The following GALNT16 variants were observed in gnomAD, a reference collection of about 807,000 sequenced individuals.
GALNT16 encodes the protein polypeptide N-acetylgalactosaminyltransferase 16.
A neutral mutation model predicts 76.1 loss-of-function variants in GALNT16; 40 were observed. That is an observed-to-expected ratio of 0.53 (90% CI 0.41 to 0.68). The LOEUF (loss-of-function observed/expected upper bound fraction) is 0.68, where lower values mean the gene tolerates loss of function less well. Among genes scored for constraint, GALNT16 ranks in the 30% least tolerant of loss-of-function variants. The pLI is 0.00. For synonymous variants in GALNT16, 276 were observed against 285.2 expected, an observed-to-expected ratio of 0.97 and a Z score of 0.32; for missense variants, 621 against 731.9, an observed-to-expected ratio of 0.85 and a Z score of 1.75.
At chr14:69,301,550 C>T (rs1031870870) in intron 1 of GALNT16, among the ~76,000 whole-genome samples, 1 of 152,074 alleles carries the variant, frequency 6.6e-6, no homozygotes, top group Non-Finnish European at 1.5e-5. Context: ...GACAGGCTTT[C>T]ACCATGTTGG....
intron 1 of GALNT16, among the ~76,000 whole-genome samples, chr14:69,273,263 G>A (rs76849947): frequency 0.014 from 2,086 of 152,324 alleles, 51 homozygotes; most frequent in African/African-American, 0.048. Context: ...CAGTGGAGGC[G>A]AGAAGCCTTT....
rs192970687 is a variant in GALNT16 at position 69,302,293 on chromosome 14, T to C, written c.178-18418T>C. On this transcript the variant is annotated intron_variant, in intron 1 of 14. Coordinates refer to ENST00000448469, the MANE Select transcript of GALNT16 (RefSeq NM_001168368.2). ...CTGGAAATCTTCCAAAAATCACCTA[T>C]AATCCCAGCACCCAGAAATAATAAC... 2.6e-4 allele frequency among the ~76,000 whole-genome samples: 40 copies of C among 152,324 alleles called. No homozygotes were observed. In the East Asian group the frequency reaches 7.1e-3, roughly 27 times the overall value.
the GALNT16 span, among the ~76,000 whole-genome samples, chr14:69,362,058 G>C: frequency 6.6e-6 from 1 of 152,172 alleles, no homozygotes; most frequent in Admixed American, 6.5e-5. Context: ...GGGAGCACAG[G>C]ACATGGTAGA....
intron 12 of GALNT16, among the ~76,000 whole-genome samples, chr14:69,344,570 G>A (rs900465991): frequency 6.6e-6 from 1 of 152,176 alleles, no homozygotes; most frequent in South Asian, 2.1e-4. Flanking sequence ...GGATGGTGAC[G>A]ACTGCTATTC....
chr14:69,338,802 G>A lies in GALNT16; in HGVS notation c.1094+25G>A, dbSNP rs777192259. On this transcript the variant is annotated intron_variant, in intron 10 of 14. Coordinates refer to ENST00000448469, the MANE Select transcript of GALNT16 (RefSeq NM_001168368.2). ...GGTAGGTCACCGAGAAAGGAGCACG[G>A]GACTCAGAGGAGGACACCAAGGCCC... 14 of 1,588,708 alleles carry A rather than the reference G, an allele frequency of 8.8e-6. No homozygotes were observed. The African/African-American group carries it at 1.8e-4, about 20-fold the overall frequency.
chr14:69,306,596 T>C (rs1304103619), intron 1 of GALNT16, among the ~76,000 whole-genome samples: 3 of 152,218 alleles, frequency 2.0e-5, no homozygotes, highest in Non-Finnish European at 2.9e-5. Context: ...TTTTCATTCT[T>C]ACAAAACCAT....
chr14:69,338,843 C>A, intron 10 of GALNT16, 66 bp downstream of exon 10: 1 of 1,328,972 alleles, frequency 7.5e-7, no homozygotes, highest in Non-Finnish European at 1.0e-6. Context: ...CCCAGCCTTG[C>A]CAGTTATCAC....
chr14:69,313,729 A>C (rs186019399), intron 1 of GALNT16, among the ~76,000 whole-genome samples: 1 of 152,362 alleles, frequency 6.6e-6, no homozygotes, highest in African/African-American at 2.4e-5. Context: ...ATATGTAATT[A>C]AACTAGGGCC....
At chr14:69,383,110 C>T in the GALNT16 span, among the ~76,000 whole-genome samples, 2 of 152,154 alleles carry the variant, frequency 1.3e-5, no homozygotes, top group African/African-American at 4.8e-5. Flanking sequence ...CAAGAAAATA[C>T]TGCATAATCA....
intron 2 of GALNT16, among the ~76,000 whole-genome samples, chr14:69,322,924 GGGTGTGTGTGTGTGTGTGTGT>G (rs1312267954): frequency 5.3e-4 from 55 of 104,706 alleles, no homozygotes; most frequent in African/African-American, 2.0e-3. Context: ...GTGGCTCACG[GGGTGTGTGTGTGTGTGTGTGT>G]GTGTGTGTGT....
rs1182677711 is a variant in GALNT16, at chr14:69,322,924, GGGTGTGTGTGTGT to G, written c.336-1766_336-1754del. ...AAAAAGAAAGCTGAGGTGGCTCACG[GGGTGTGTGTGTGT>G]GTGTGTGTGTGTGTGTGTGTGTGTG... On this transcript the variant is annotated intron_variant, in intron 2 of 14. Transcript: ENST00000448469. 1.5e-3 allele frequency among the ~76,000 whole-genome samples: 162 copies of G among 104,706 alleles called. 1 individual carries two copies. The highest frequency in any genetic ancestry group is 5.8e-3 in the African/African-American group (152 of 26,138). The allele number at this position is 104,706 out of a possible 152,430, so 68.7% of individuals were successfully genotyped here. A position where few individuals can be genotyped will look rare whatever the true frequency, so the allele number is the denominator to read the frequency against.
rs375718624 is a variant in GALNT16 at position 69,325,996 on chromosome 14, G to C, written c.537G>C (p.Lys179Asn). 2 of 1,614,092 alleles carry C rather than the reference G, an allele frequency of 1.2e-6. No homozygotes were observed. The highest frequency in any genetic ancestry group is 3.3e-5 in the Admixed American group (2 of 60,020). ...GTCTACTCCTGACCAGGATCCCCAA[G>C]GTCAAGTGCCTGCGCAATGATCGGC... ...EDCLLLTRIPKVKCLRNDRRE... is the reference protein window; with the variant it reads ...EDCLLLTRIPNVKCLRNDRRE... Residue 179 changes from lysine to asparagine, a missense_variant, in exon 5 of 15, where the codon AAG becomes AAC. By Grantham distance (94) the Lys-to-Asn change is moderately conservative. Coordinates refer to ENST00000448469, the MANE Select transcript of GALNT16 (RefSeq NM_001168368.2).
chr14:69,334,544 C>T (rs977211020), intron 9 of GALNT16, among the ~76,000 whole-genome samples: 4 of 152,096 alleles, frequency 2.6e-5, no homozygotes, highest in African/African-American at 4.8e-5. Context: ...TTACATGGTG[C>T]GGGCAGGATA....
chr14:69,371,206 A>G, the GALNT16 span, among the ~76,000 whole-genome samples: 26 of 152,120 alleles, frequency 1.7e-4, 1 homozygote, highest in Admixed American at 1.7e-3. Context: ...ACTTCACGGT[A>G]ACATGAATGT....
At chr14:69,307,955 A>C (rs1008173430) in intron 1 of GALNT16, among the ~76,000 whole-genome samples, 2 of 152,056 alleles carry the variant, frequency 1.3e-5, no homozygotes, top group Admixed American at 6.5e-5. Flanking sequence ...AGGCAAAGTC[A>C]AGTTGGGTTG....
At chr14:69,273,641 G>T (rs1283589023) in intron 1 of GALNT16, among the ~76,000 whole-genome samples, 27 of 152,222 alleles carry the variant, frequency 1.8e-4, no homozygotes, top group Non-Finnish European at 1.5e-5. Flanking sequence ...CTTACACTGA[G>T]CCAGAACATG....
chr14:69,365,914 T>C, the GALNT16 span, among the ~76,000 whole-genome samples: 1 of 152,158 alleles, frequency 6.6e-6, no homozygotes, highest in African/African-American at 2.4e-5. Flanking sequence ...CCTGACCCCA[T>C]AGCACATATA....
the GALNT16 span, chr14:69,380,440 T>C: frequency 3.0e-6 from 2 of 665,050 alleles, no homozygotes; most frequent in South Asian, 3.9e-5. Flanking sequence ...TATAACAAAG[T>C]GGAAACAGGA....
chr14:69,296,552 G>T (rs576747327), intron 1 of GALNT16, among the ~76,000 whole-genome samples: 1 of 152,144 alleles, frequency 6.6e-6, no homozygotes, highest in East Asian at 1.9e-4. Context: ...AATTAGCCTG[G>T]CATGGTGGCA....
Sources: allele counts gnomAD v4.1 joint callset (sites outside exome capture counted in the v4.1 genomes callset), GRCh38; gene constraint gnomAD v4.1.1; transcripts MANE v1.5; gene names NCBI Gene and HGNC (gene_info 2026-07-23, HGNC 2026-07-21).